The following LIMS2 variants were observed in gnomAD, a reference collection of about 807,000 sequenced individuals.
LIMS2 encodes LIM and senescent cell antigen-like-containing domain protein 2.
A neutral mutation model predicts 45.3 loss-of-function variants in LIMS2; 30 were observed. That is an observed-to-expected ratio of 0.66 (90% CI 0.50 to 0.90). LIMS2 has a LOEUF of 0.90. Ranked by LOEUF, LIMS2 falls within the 40% of genes least tolerant of loss-of-function variation. LIMS2 has a pLI of 0.00. For missense variants in LIMS2, 485 were observed against 468.7 expected (o/e 1.03, Z -0.32); for synonymous variants, 173 against 188.0 (o/e 0.92, Z 0.65).
rs1324016081 is a variant in LIMS2 at position 127,661,715 on chromosome 2, A to C, written c.12-4153T>G. Among the ~76,000 whole-genome samples the C allele has an allele frequency of 4.6e-5, 7 of 152,180 alleles. No individual in the cohort carries two copies. In the East Asian group the frequency reaches 1.3e-3, roughly 29 times the overall value. On this transcript the variant is annotated intron_variant, in intron 1 of 9. Transcript: ENST00000355119. ...GCACCCCAGAAGGCTCTCAGTTTTG[A>C]CAGCCAATACAAGCCAATTTGTTGC...
chr2:127,641,956 G>A, intron 6 of LIMS2, 93 bp downstream of exon 6: 2 of 1,422,168 alleles, frequency 1.4e-6, no homozygotes, highest in East Asian at 2.6e-5. Context: ...CCCGCCCTGG[G>A]CTGGGAGTGT....
intron 4 of LIMS2, chr2:127,651,862 C>G (rs534431195): frequency 2.0e-6 from 2 of 1,007,922 alleles, no homozygotes; most frequent in African/African-American, 3.2e-5. Flanking sequence ...AACCTGAAAT[C>G]TCAGCAGATG....
intron 4 of LIMS2, chr2:127,651,886 T>G: frequency 1.2e-6 from 1 of 810,606 alleles, no homozygotes; most frequent in Non-Finnish European, 2.0e-6. Flanking sequence ...ACCATTTCTC[T>G]AGATCGCCTA....
intron 1 of LIMS2, among the ~76,000 whole-genome samples, chr2:127,670,009 C>A (rs546567757): frequency 6.6e-6 from 1 of 152,192 alleles, no homozygotes; most frequent in African/African-American, 2.4e-5. Context: ...GAAATTGGAA[C>A]CTTCATACAT....
chr2:127,641,580 G>A, intron 6 of LIMS2: 1 of 160,386 alleles, frequency 6.2e-6, no homozygotes, highest in Non-Finnish European at 1.4e-5. Flanking sequence ...CATCAGGGGA[G>A]GTGGTGGGCT....
intron 4 of LIMS2, chr2:127,649,839 C>T (rs1322531385): frequency 4.9e-6 from 3 of 613,270 alleles, no homozygotes; most frequent in Non-Finnish European, 8.5e-6. Context: ...GGCTGCAGAT[C>T]CGTCCTCAAC....
chr2:127,651,382 T>G, intron 4 of LIMS2: 2 of 1,612,760 alleles, frequency 1.2e-6, no homozygotes, highest in Middle Eastern at 3.3e-4. Context: ...CTGCTGATCA[T>G]CCGCAGCCTG....
At chr2:127,678,957 TGTACCA>T (rs1685558470), upstream of LIMS2, among the ~76,000 whole-genome samples, 2 of 152,282 alleles carry the variant, frequency 1.3e-5, no homozygotes, top group Non-Finnish European at 2.9e-5. This position sits in a 1 kb window ranked among gnomAD's most constrained non-coding sequence, Gnocchi z 5.3. Context: ...CTGGGGTGTC[TGTACCA>T]GTCAGGAGCC....
intron 2 of LIMS2, among the ~76,000 whole-genome samples, chr2:127,656,739 GA>G (rs1388147471): frequency 6.6e-6 from 1 of 152,168 alleles, no homozygotes; most frequent in African/African-American, 2.4e-5. Context: ...AATGTCAGCA[GA>G]TAGTGTGACT....
chr2:127,640,371 A>G, intron 7 of LIMS2, 53 bp from the exon 8 acceptor site: 3 of 1,586,660 alleles, frequency 1.9e-6, no homozygotes, highest in Non-Finnish European at 1.7e-6. Context: ...ACCCCAGCCC[A>G]GGGCCATCAT....
intron 4 of LIMS2, 93 bp from the exon 5 acceptor site, chr2:127,643,165 C>G: frequency 7.3e-7 from 1 of 1,374,468 alleles, no homozygotes; most frequent in Non-Finnish European, 9.8e-7. Context: ...TGCAACTTCA[C>G]TGAGCAGCTG....
At chr2:127,640,361 A>G (rs1426873951) in intron 7 of LIMS2, 43 bp from the exon 8 acceptor site, 1 of 1,600,790 alleles carries the variant, frequency 6.2e-7, no homozygotes, top group East Asian at 2.3e-5. Context: ...AGGCAGTCAC[A>G]CCCCAGCCCA....
At chr2:127,679,245 G>A (rs997443528), upstream of LIMS2, among the ~76,000 whole-genome samples, 5 of 150,616 alleles carry the variant, frequency 3.3e-5, no homozygotes, top group Non-Finnish European at 5.9e-5. This position sits in a 1 kb window ranked among gnomAD's most constrained non-coding sequence, Gnocchi z 5.3. Context: ...TGTGTAGATG[G>A]TGCTCCCCAG....
At chr2:127,640,006 G>C (rs1472083784) in intron 9 of LIMS2, 64 bp downstream of exon 9, 1 of 1,528,510 alleles carries the variant, frequency 6.5e-7, no homozygotes, top group African/African-American at 1.4e-5. Flanking sequence ...GAGGGCTGCT[G>C]AGAGGAAGGA....
In LIMS2 at chr2:127,667,573, T is replaced by C. The variant is rs1472771674; in HGVS notation, c.11+7441A>G. Reference sequence around the variant, plus strand: ...AATTCAATGTAATATACCATATCAATAGAATATAGGGAGGACACTCTATGA... The same window carrying C: ...AATTCAATGTAATATACCATATCAACAGAATATAGGGAGGACACTCTATGA... On this transcript the variant is annotated intron_variant, in intron 1 of 9. Transcript: ENST00000355119. This position sits in a 1 kb window ranked among gnomAD's most constrained non-coding sequence, Gnocchi z 4.1. Among the ~76,000 whole-genome samples, 3 of 152,170 alleles carry C rather than the reference T, an allele frequency of 2.0e-5. No homozygotes were observed. The highest frequency in any genetic ancestry group is 4.4e-5 in the Non-Finnish European group (3 of 68,028).
intron 4 of LIMS2, among the ~76,000 whole-genome samples, chr2:127,646,848 CAG>C (rs1458901730): frequency 1.3e-5 from 2 of 152,262 alleles, no homozygotes; most frequent in Non-Finnish European, 1.5e-5. Context: ...TAAAGGGCAA[CAG>C]AGAGTGAAGC....
chr2:127,650,022 G>C (rs200450704), intron 4 of LIMS2: 1 of 1,608,454 alleles, frequency 6.2e-7, no homozygotes, highest in African/African-American at 1.3e-5. Flanking sequence ...ATGTCCAAAC[G>C]GAGTTGGTGG....
In LIMS2 at chr2:127,672,134, T is replaced by G. The variant is rs541157654; in HGVS notation, c.11+2880A>C. 2.6e-5 allele frequency among the ~76,000 whole-genome samples: 4 copies of G among 152,326 alleles called. No individual in the cohort carries two copies. In the East Asian group the frequency reaches 7.7e-4, roughly 29 times the overall value. ...ACTCCACTTTATGCAGCCAAGCCAC[T>G]GAGCTCACGTGGCCGTGGGTGTCAA... On this transcript the variant is annotated intron_variant, in intron 1 of 9. Transcript: ENST00000355119. The surrounding 1 kb of genome is among the most constrained non-coding windows in gnomAD (Gnocchi z 4.9).
chr2:127,657,639 G>T (rs72843389), intron 1 of LIMS2, 77 bp from the exon 2 acceptor site: 2 of 1,403,702 alleles, frequency 1.4e-6, no homozygotes, highest in South Asian at 1.4e-5. Flanking sequence ...GCCTGCGCCC[G>T]ACAGACACAC....
Sources: allele counts gnomAD v4.1 joint callset (sites outside exome capture counted in the v4.1 genomes callset), GRCh38; gene constraint gnomAD v4.1.1; non-coding constraint Gnocchi (gnomAD v3.1); transcripts MANE v1.5; gene names NCBI Gene and HGNC (gene_info 2026-07-23, HGNC 2026-07-21).